Variants in DOC2B observed in about 807,000 individuals in gnomAD.
The protein encoded by DOC2B is double C2 domain beta, also known as double C2-like domain-containing protein beta.
In DOC2B, 21 loss-of-function variants were observed where a neutral mutation model predicts 28.9. That is an observed-to-expected ratio of 0.73 (90% CI 0.52 to 1.05). The LOEUF (loss-of-function observed/expected upper bound fraction) is 1.05, where lower values mean the gene tolerates loss of function less well. Among genes scored for constraint, DOC2B ranks in the 50% least tolerant of loss-of-function variants. The pLI is 0.00. For synonymous variants in DOC2B, 194 were observed against 178.1 expected (o/e 1.09, Z -0.71); for missense variants, 384 against 421.1 (o/e 0.91, Z 0.77).
chr17:146,596 C>T lies in DOC2B; in HGVS notation c.*845G>A, dbSNP rs944256188. On this transcript the variant is annotated 3_prime_UTR_variant, in exon 9 of 9. Coordinates refer to ENST00000613549, the MANE Select transcript of DOC2B (RefSeq NM_003585.5). ...GTCCACAGCACCCCGGCCCCATTGG[C>T]TTTCTCTCTCCAGGCGTTTTAGACC... 6 of 152,256 alleles carry T rather than the reference C, an allele frequency of 3.9e-5. No homozygotes were observed. Among genetic ancestry groups the T allele is most frequent in the East Asian group, 1.9e-4 (1 of 5,184 alleles). 9.4% of individuals were successfully genotyped at this position (152,256 alleles called of 1,614,324 possible).
intron 1 of DOC2B, among the ~76,000 whole-genome samples, chr17:175,407 T>G (rs979515701): frequency 6.6e-6 from 1 of 152,250 alleles, no homozygotes; most frequent in African/African-American, 2.4e-5. Context: ...CCACTGCTCC[T>G]GCAGCAATGA....
chr17:171,149 G>C (rs1164974126), intron 2 of DOC2B, among the ~76,000 whole-genome samples: 2 of 17,824 alleles, frequency 1.1e-4, no homozygotes, highest in African/African-American at 4.2e-4. Context: ...GAGCACCAGG[G>C]GCCGGGCCAG....
chr17:143,162 C>T lies in DOC2B; in HGVS notation c.*4279G>A, dbSNP rs1220825514. On this transcript the variant is annotated 3_prime_UTR_variant, in exon 9 of 9. Coordinates refer to ENST00000613549, the MANE Select transcript of DOC2B (RefSeq NM_003585.5). ...AATCCTGCTTCTGCCATCGACCAGC[C>T]GTGTGATTCTGTAAAAGTATTTTAA... is the stretch of plus-strand genomic sequence containing the variant. 2.6e-5 allele frequency: 4 copies of T among 152,078 alleles called. No homozygotes were observed. Among genetic ancestry groups the T allele is most frequent in the East Asian group, 1.9e-4 (1 of 5,198 alleles). 9.4% of individuals were successfully genotyped at this position (152,078 alleles called of 1,614,324 possible). A position where few individuals can be genotyped will look rare whatever the true frequency, so the allele number is the denominator to read the frequency against.
In DOC2B at chr17:181,515, C is replaced by T; in HGVS notation, c.-36G>A. The T allele has an allele frequency of 1.1e-5, 11 of 985,706 alleles. No homozygotes were observed. The highest frequency in any genetic ancestry group is 1.2e-5 in the Non-Finnish European group (10 of 830,638). The allele number at this position is 985,706 out of a possible 1,614,324, so 61.1% of individuals were successfully genotyped here. On this transcript the variant is annotated 5_prime_UTR_variant, in exon 1 of 9. Coordinates refer to ENST00000613549, the MANE Select transcript of DOC2B (RefSeq NM_003585.5). This position sits in a 1 kb window ranked among gnomAD's most constrained non-coding sequence, Gnocchi z 7.0. ...CCGCCCCGCCCCGGGCGCGGCCCGG[C>T]CCGGCGCGACCCCGGCCCGGGGGCG...
chr17:173,295 T>C (rs1203142922), intron 1 of DOC2B, among the ~76,000 whole-genome samples: 2 of 152,112 alleles, frequency 1.3e-5, no homozygotes, highest in Admixed American at 1.3e-4. Context: ...CAATCACTCA[T>C]AGCAGCTGTG....
chr17:155,442 C>T (rs2040123904), intron 6 of DOC2B, among the ~76,000 whole-genome samples: 1 of 152,112 alleles, frequency 6.6e-6, no homozygotes, highest in African/African-American at 2.4e-5. Context: ...TAGGTCAGGG[C>T]CATCCCTCTG....
At chr17:162,676 G>A (rs769406449) in intron 3 of DOC2B, among the ~76,000 whole-genome samples, 5 of 152,338 alleles carry the variant, frequency 3.3e-5, no homozygotes, top group South Asian at 2.1e-4. Context: ...GAGTAAACGC[G>A]CTGCTTTAAG....
At chr17:150,582 A>C (rs2040062322) in intron 6 of DOC2B, among the ~76,000 whole-genome samples, 1 of 152,234 alleles carries the variant, frequency 6.6e-6, no homozygotes, top group African/African-American at 2.4e-5. Flanking sequence ...GATATCTCAT[A>C]GTTGCTTTAC....
Position 181,484 on chromosome 17 carries a change from G to A in DOC2B, c.-5C>T. The A allele has an allele frequency of 2.9e-6, 3 of 1,044,614 alleles. No individual in the cohort carries two copies. Among genetic ancestry groups the A allele is most frequent in the Non-Finnish European group, 2.3e-6 (2 of 869,012 alleles). 64.7% of individuals were successfully genotyped at this position (1,044,614 alleles called of 1,614,324 possible). A position where few individuals can be genotyped will look rare whatever the true frequency, so the allele number is the denominator to read the frequency against. On this transcript the variant is annotated 5_prime_UTR_variant, in exon 1 of 9. Transcript: ENST00000613549. The surrounding 1 kb of genome is among the most constrained non-coding windows in gnomAD (Gnocchi z 7.0). ...CCCGCGCCGCCGGAGGGTCATGCAGGCAGCGCCGCCCCGCCCCGGGCGCGG... is the reference window on the plus strand; with the variant it reads ...CCCGCGCCGCCGGAGGGTCATGCAGACAGCGCCGCCCCGCCCCGGGCGCGG...
At chr17:148,119 G>T in intron 8 of DOC2B, 54 bp downstream of exon 8, 1 of 398,510 alleles carries the variant, frequency 2.5e-6, no homozygotes, top group Non-Finnish European at 4.4e-6. Context: ...AGGGGCTGTG[G>T]CCTGATCCAG....
chr17:160,448 C>T (rs111689816), intron 5 of DOC2B, among the ~76,000 whole-genome samples: 5 of 152,214 alleles, frequency 3.3e-5, no homozygotes, highest in East Asian at 3.8e-4. Flanking sequence ...GACTCGCCCC[C>T]GGGGCTTGAC....
chr17:149,103 C>T lies in DOC2B; in HGVS notation c.1005+8G>A, dbSNP rs913511168. On this transcript the variant is annotated splice_region_variant and intron_variant, in intron 7 of 8. Transcript: ENST00000613549. ...TGGCCTTCATGAAGCTTCACCAGCC[C>T]CTCATACCTCATTAAACTCCGGGTT... 2.5e-6 allele frequency: 1 copy of T among 399,258 alleles called. No homozygotes were observed. The highest frequency in any genetic ancestry group is 4.4e-6 in the Non-Finnish European group (1 of 226,170). 24.7% of individuals were successfully genotyped at this position (399,258 alleles called of 1,614,324 possible). A position where few individuals can be genotyped will look rare whatever the true frequency, so the allele number is the denominator to read the frequency against.
rs370103166 is a variant in DOC2B at position 161,456 on chromosome 17, G to A, written c.724C>T (p.His242Tyr). ...AGGCAGATGCTGAAGGTCTTGGTGT[G>A]GTTGGGTTTCAGCTTCTTCAGGGGC... Reference protein sequence around the residue: ...RVPLKKLKPNHTKTFSICLEK... With the variant: ...RVPLKKLKPNYTKTFSICLEK... The change falls in exon 5 of 9, where the codon CAC becomes TAC. Residue 242 changes from histidine (H) to tyrosine (Y), a missense_variant. By Grantham distance (83) the His-to-Tyr change is moderately conservative. Coordinates refer to ENST00000613549, the MANE Select transcript of DOC2B (RefSeq NM_003585.5). The A allele has an allele frequency of 4.5e-6, 7 of 1,551,716 alleles. No individual in the cohort carries two copies. The highest frequency in any genetic ancestry group is 1.7e-4 in the Middle Eastern group (1 of 5,990).
chr17:172,712 G>A, intron 1 of DOC2B, 96 bp from the exon 2 acceptor site: 13 of 1,017,384 alleles, frequency 1.3e-5, no homozygotes, highest in Non-Finnish European at 1.5e-5. Flanking sequence ...CTGGGCAGGT[G>A]CCACCGTTCC....
rs1555523217 is a variant in DOC2B, at chr17:161,442, G to A, written c.738C>T (p.Phe246=). The A allele has an allele frequency of 1.5e-5, 23 of 1,551,692 alleles. No homozygotes were observed. Among genetic ancestry groups the A allele is most frequent in the Non-Finnish European group, 1.8e-5 (21 of 1,146,976 alleles). ...GCAGCTGCTTCTCCAGGCAGATGCT[G>A]AAGGTCTTGGTGTGGTTGGGTTTCA... ...KKLKPNHTKT[F]SICLEKQLPV... is the part of the protein sequence containing the mutation. The change falls in exon 5 of 9, where the codon TTC becomes TTT. Residue 246 remains phenylalanine, a synonymous_variant. Transcript: ENST00000613549.
chr17:173,256 T>C (rs1392563166), intron 1 of DOC2B, among the ~76,000 whole-genome samples: 2 of 151,982 alleles, frequency 1.3e-5, no homozygotes, highest in South Asian at 2.1e-4. Context: ...GCAGCCATAA[T>C]TGGGTGCAGC....
chr17:154,367 G>A (rs1030583246), intron 6 of DOC2B, among the ~76,000 whole-genome samples: 461 of 133,836 alleles, frequency 3.4e-3, no homozygotes, highest in Middle Eastern at 4.5e-3. Flanking sequence ...GATATTCCAC[G>A]CACCTGCTAC....
At chr17:170,210 C>A (rs545410560) in intron 2 of DOC2B, among the ~76,000 whole-genome samples, 5 of 152,310 alleles carry the variant, frequency 3.3e-5, no homozygotes, top group African/African-American at 1.2e-4. Flanking sequence ...CTCAGTTCTG[C>A]TCCTAGGGGT....
At chr17:155,930 C>T in intron 6 of DOC2B, 2 of 415,800 alleles carry the variant, frequency 4.8e-6, no homozygotes, top group Non-Finnish European at 4.3e-6. Flanking sequence ...CATGGCCCCT[C>T]CTGGGCCCCT....
Sources: gnomAD v4.1 joint callset for allele counts (sites outside exome capture counted in the v4.1 genomes callset) on GRCh38, gnomAD v4.1.1 for gene constraint, Gnocchi (gnomAD v3.1) non-coding constraint, MANE v1.5 for transcripts, NCBI Gene and HGNC (gene_info 2026-07-23, HGNC 2026-07-21) for gene names.